SGCZ: variants seen among roughly 807,000 people sequenced by gnomAD.
SGCZ encodes sarcoglycan zeta, also known as zeta-sarcoglycan.
Under a neutral mutation model 41.3 loss-of-function variants are expected in SGCZ, and 40 were observed. The ratio of observed to expected loss-of-function variants is 0.97; its 90% CI spans 0.75 to 1.26. SGCZ has a LOEUF of 1.26. Among genes scored for constraint, SGCZ ranks in the 50% most tolerant of loss-of-function variants. The probability of loss-of-function intolerance (pLI) is 0.00; values close to 1 mark genes in which losing one functional copy is unlikely to be tolerated. For synonymous variants in SGCZ, 206 were observed against 137.5 expected (o/e 1.50, Z -3.49); for missense variants, 552 against 369.8 (o/e 1.49, Z -4.04).
At chr8:14,530,866 G>C (rs757963934) in intron 2 of SGCZ, among the ~76,000 whole-genome samples, 1 of 151,988 alleles carries the variant, frequency 6.6e-6, no homozygotes, top group Non-Finnish European at 1.5e-5. Context: ...AAATTATCAG[G>C]ACAATTCACT....
Position 15,137,988 on chromosome 8 carries a change from T to TGAAA in SGCZ, c.39+99593_39+99596dup, listed in dbSNP as rs563619945. Among the ~76,000 whole-genome samples, 199 of 152,160 alleles carry TGAAA rather than the reference T, an allele frequency of 1.3e-3. 1 individual carries two copies. The highest frequency in any genetic ancestry group is 4.0e-3 in the African/African-American group (165 of 41,516). On this transcript the variant is annotated intron_variant, in intron 1 of 7. Coordinates refer to ENST00000382080, the MANE Select transcript of SGCZ (RefSeq NM_139167.4). Reference sequence around the variant, plus strand: ...GCCACAGACGCTCAAAGCCAGCCCATGAAAGCAGTCCCGGAGGGGGACTGT... The same window carrying TGAAA: ...GCCACAGACGCTCAAAGCCAGCCCATGAAAGAAAGCAGTCCCGGAGGGGGACTGT...
At chr8:14,408,066 G>A (rs1799260098) in intron 2 of SGCZ, among the ~76,000 whole-genome samples, 1 of 152,086 alleles carries the variant, frequency 6.6e-6, no homozygotes, top group South Asian at 2.1e-4. Flanking sequence ...TTGAATTAAT[G>A]GGAATTCACT....
chr8:14,450,766 C>T (rs1013388437), intron 2 of SGCZ, among the ~76,000 whole-genome samples: 1 of 152,110 alleles, frequency 6.6e-6, no homozygotes, highest in African/African-American at 2.4e-5. Flanking sequence ...GCCATTGCTA[C>T]AGGGCAAAAT....
At chr8:15,172,152 C>CGGTTTTTTTTTTTT (rs1322884184) in intron 1 of SGCZ, among the ~76,000 whole-genome samples, 7 of 70,556 alleles carry the variant, frequency 9.9e-5, no homozygotes, top group African/African-American at 2.7e-4. Flanking sequence ...CTTTTATACT[C>CGGTTTTTTTTTTTT]TGTTTTTTTT....
At chr8:14,427,173 T>C (rs1333024065) in intron 2 of SGCZ, among the ~76,000 whole-genome samples, 2 of 152,058 alleles carry the variant, frequency 1.3e-5, no homozygotes, top group African/African-American at 4.8e-5. Flanking sequence ...CTAAATTCTC[T>C]TTGCCAAAGG....
intron 1 of SGCZ, among the ~76,000 whole-genome samples, chr8:15,106,260 CACT>C (rs943476347): frequency 6.6e-6 from 1 of 152,130 alleles, no homozygotes; most frequent in South Asian, 2.1e-4. Flanking sequence ...TCATTTTTTA[CACT>C]AATACTTGAT....
At chr8:14,340,998 T>G (rs534681346) in intron 2 of SGCZ, among the ~76,000 whole-genome samples, 1 of 152,180 alleles carries the variant, frequency 6.6e-6, no homozygotes, top group Non-Finnish European at 1.5e-5. Flanking sequence ...TTCTCTGAAC[T>G]GCTCGAGGAG....
intron 1 of SGCZ, among the ~76,000 whole-genome samples, chr8:14,653,759 A>G (rs994072207): frequency 5.9e-5 from 9 of 152,136 alleles, no homozygotes; most frequent in African/African-American, 1.9e-4. Flanking sequence ...TTGGCAATAC[A>G]TGCTAGAAAA....
intron 1 of SGCZ, among the ~76,000 whole-genome samples, chr8:14,786,430 A>C (rs1189648025): frequency 6.6e-6 from 1 of 152,158 alleles, no homozygotes; most frequent in Non-Finnish European, 1.5e-5. Context: ...TGAAATTTCC[A>C]TGAAACTTGG....
intron 1 of SGCZ, among the ~76,000 whole-genome samples, chr8:15,075,884 C>T (rs1805510917): frequency 6.6e-6 from 1 of 151,748 alleles, no homozygotes; most frequent in South Asian, 2.1e-4. Context: ...ATCAGTGAAT[C>T]ACTGATAAGT....
At chr8:14,990,661 G>T (rs1801983010) in intron 1 of SGCZ, among the ~76,000 whole-genome samples, 1 of 152,060 alleles carries the variant, frequency 6.6e-6, no homozygotes, top group African/African-American at 2.4e-5. Flanking sequence ...ATTTTGGAGA[G>T]TTGTATAATT....
At chr8:14,926,224 G>C (rs992903945) in intron 1 of SGCZ, among the ~76,000 whole-genome samples, 1 of 151,944 alleles carries the variant, frequency 6.6e-6, no homozygotes, top group Non-Finnish European at 1.5e-5. Flanking sequence ...ATACTCATTT[G>C]TCGTTCAAAT....
chr8:14,903,158 C>G lies in SGCZ; in HGVS notation c.39+334427G>C, dbSNP rs150525092. On this transcript the variant is annotated intron_variant, in intron 1 of 7. Coordinates refer to ENST00000382080, the MANE Select transcript of SGCZ (RefSeq NM_139167.4). ...CTCTAAAGTACTATATCATCTGCCT[C>G]AATGACTATAATGAGTGGTCAGAAT... Among the ~76,000 whole-genome samples the G allele has an allele frequency of 2.8e-3, 427 of 152,180 alleles. 2 individuals are homozygous for G. Among genetic ancestry groups the G allele is most frequent in the African/African-American group, 9.9e-3 (410 of 41,542 alleles).
chr8:15,012,807 A>G (rs967851962), intron 1 of SGCZ, among the ~76,000 whole-genome samples: 34 of 150,232 alleles, frequency 2.3e-4, no homozygotes, highest in Non-Finnish European at 2.7e-4. Context: ...GCATATATAT[A>G]TATACGTATA....
At chr8:14,502,954 CA>C (rs1802198681) in intron 2 of SGCZ, among the ~76,000 whole-genome samples, 1 of 152,086 alleles carries the variant, frequency 6.6e-6, no homozygotes, top group Admixed American at 6.6e-5. Context: ...GGTATGTATT[CA>C]AGGGATTATA....
intron 1 of SGCZ, among the ~76,000 whole-genome samples, chr8:14,716,642 T>C (rs1809699405): frequency 6.6e-6 from 1 of 152,068 alleles, no homozygotes; most frequent in Admixed American, 6.6e-5. Flanking sequence ...ACCAAACCCA[T>C]CTTAGGTTTC....
At chr8:14,988,912 G>T (rs905031808) in intron 1 of SGCZ, among the ~76,000 whole-genome samples, 1 of 152,096 alleles carries the variant, frequency 6.6e-6, no homozygotes, top group Non-Finnish European at 1.5e-5. Context: ...TTGTGGGGAG[G>T]GGGGGCATTG....
intron 1 of SGCZ, among the ~76,000 whole-genome samples, chr8:14,979,515 T>A (rs1191008465): frequency 1.3e-5 from 2 of 152,204 alleles, no homozygotes; most frequent in African/African-American, 4.8e-5. Flanking sequence ...GCTACAGTTG[T>A]TCAGTGTTGC....
chr8:14,844,938 G>A (rs1322659553), intron 1 of SGCZ, among the ~76,000 whole-genome samples: 2 of 152,164 alleles, frequency 1.3e-5, no homozygotes, highest in East Asian at 1.9e-4. Context: ...GGAATACCCA[G>A]GCAGAGCCCA....
Sources: gnomAD v4.1 joint callset for allele counts (sites outside exome capture counted in the v4.1 genomes callset) on GRCh38, gnomAD v4.1.1 for gene constraint, MANE v1.5 for transcripts, NCBI Gene and HGNC (gene_info 2026-07-23, HGNC 2026-07-21) for gene names.